IST1: variants seen among roughly 807,000 people sequenced by gnomAD.
IST1 encodes IST1 homolog.
In IST1, 23 loss-of-function variants were observed where a neutral mutation model predicts 37.0. The observed-to-expected ratio is 0.62, with a 90% CI of 0.45 to 0.88. The LOEUF (loss-of-function observed/expected upper bound fraction) is 0.88. Ranked by LOEUF, IST1 falls within the 40% of genes least tolerant of loss-of-function variation. The pLI is 0.00. For missense variants in IST1, 488 were observed against 445.4 expected (o/e 1.10, Z -0.86); for synonymous variants, 180 against 161.7 (o/e 1.11, Z -0.86).
rs1192658089 is a variant in IST1, at chr16:71,930,921, T to C, written c.*3108T>C. On this transcript the variant is annotated 3_prime_UTR_variant, in exon 10 of 10. Transcript: ENST00000378799. ...TCAATGCCACCCTGATGGAAATCTA[T>C]ATGGCAAAATATTTTCAAGCACCAA... 1.3e-5 allele frequency: 2 copies of C among 152,202 alleles called. No homozygotes were observed. Among genetic ancestry groups the C allele is most frequent in the African/African-American group, 4.8e-5 (2 of 41,446 alleles). 9.4% of individuals were successfully genotyped at this position (152,202 alleles called of 1,614,324 possible).
intron 1 of IST1, among the ~76,000 whole-genome samples, chr16:71,908,719 TC>T (rs957308577): frequency 5.9e-5 from 9 of 152,194 alleles, no homozygotes; most frequent in African/African-American, 2.2e-4. Context: ...CCTTTCTAGT[TC>T]CTCAAGCCAG....
At chr16:71,926,656 T>A (rs1302744243) in intron 9 of IST1, among the ~76,000 whole-genome samples, 2 of 152,148 alleles carry the variant, frequency 1.3e-5, no homozygotes, top group Non-Finnish European at 2.9e-5. Context: ...AACCCATACA[T>A]TTTAAGTGTA....
chr16:71,924,760 G>T lies in IST1; in HGVS notation c.853-9G>T. On this transcript the variant is annotated splice_polypyrimidine_tract_variant and intron_variant, in intron 8 of 9. Coordinates refer to ENST00000378799, the MANE Select transcript of IST1 (RefSeq NM_001270975.2). The stretch of plus-strand genomic sequence containing the variant: ...GCTGTCTCCTCTGGTAACAATCTTT[G>T]TGTTTCAGGTAGATGACATTAATGC... 6.2e-7 allele frequency: 1 copy of T among 1,601,842 alleles called. No individual in the cohort carries two copies.
chr16:71,921,230 T>C, intron 5 of IST1, 113 bp from the exon 6 acceptor site: 1 of 669,058 alleles, frequency 1.5e-6, no homozygotes, highest in East Asian at 2.7e-5. Flanking sequence ...GCTCTGAACC[T>C]TTTTTTCCCT....
At position 71,929,987 on chromosome 16, in the gene IST1, G is replaced by C; in HGVS notation, c.*2174G>C. On this transcript the variant is annotated 3_prime_UTR_variant, in exon 10 of 10. Transcript: ENST00000378799. The stretch of plus-strand genomic sequence containing the variant: ...AAATTATGTCAGCCCGTCATCTTAG[G>C]GGCAGTTACAGTGGAGCTTTCCCAG... The C allele has an allele frequency of 6.8e-7, 1 of 1,462,744 alleles. No homozygotes were observed. The highest frequency in any genetic ancestry group is 9.2e-7 in the Non-Finnish European group (1 of 1,090,482). The allele number at this position is 1,462,744 out of a possible 1,614,324, so 90.6% of individuals were successfully genotyped here.
At chr16:71,902,427 G>C in intron 1 of IST1, among the ~76,000 whole-genome samples, 1 of 152,114 alleles carries the variant, frequency 6.6e-6, no homozygotes, top group South Asian at 2.1e-4. Context: ...CTGCCACCAC[G>C]CCTGGCTAAT....
chr16:71,924,128 CTTTG>C, intron 8 of IST1: 1 of 455,978 alleles, frequency 2.2e-6, no homozygotes. Context: ...TTTTCTTATG[CTTTG>C]GTTTTGCATG....
Position 71,930,268 on chromosome 16 carries a change from C to A in IST1, c.*2455C>A. 1 of 1,329,172 alleles carries A rather than the reference C, an allele frequency of 7.5e-7. No individual in the cohort carries two copies. The highest frequency in any genetic ancestry group is 9.9e-7 in the Non-Finnish European group (1 of 1,011,638). The allele number at this position is 1,329,172 out of a possible 1,614,324, so 82.3% of individuals were successfully genotyped here. A position where few individuals can be genotyped will look rare whatever the true frequency, so the allele number is the denominator to read the frequency against. On this transcript the variant is annotated 3_prime_UTR_variant, in exon 10 of 10. Coordinates refer to ENST00000378799, the MANE Select transcript of IST1 (RefSeq NM_001270975.2). ...TAAGCTATATGCTAGTGTTTGGGAT[C>A]TTATCAGAAGAAAAGCTTATCCGAA... is the stretch of plus-strand genomic sequence containing the variant.
chr16:71,911,902 C>T (rs2037363293), intron 1 of IST1, among the ~76,000 whole-genome samples: 1 of 151,650 alleles, frequency 6.6e-6, no homozygotes, highest in South Asian at 2.1e-4. Context: ...AGTTTTGGTA[C>T]AGTTGGAGTT....
Position 71,922,495 on chromosome 16 carries a change from G to A in IST1, c.574G>A (p.Glu192Lys), listed in dbSNP as rs756546180. Residue 192 changes from glutamate to lysine, a missense_variant, in exon 7 of 10, where the codon GAG (glutamate) becomes AAG (lysine). Around this residue, in one of 2 missense-constraint regions of IST1, gnomAD observed 455 missense variants for 386.2 expected, o/e 1.18. Transcript: ENST00000378799. Reference sequence around the variant, plus strand: ...TCAGGCAGAAGCTCCTCCTGGGGTAGAGACAGATCTTATTGATGTTGGATT... The same window carrying A: ...TCAGGCAGAAGCTCCTCCTGGGGTAAAGACAGATCTTATTGATGTTGGATT... ...VVMAEAPPGV[E>K]TDLIDVGFTD... is the part of the protein sequence containing the mutation. 5.0e-6 allele frequency: 8 copies of A among 1,614,196 alleles called. No homozygotes were observed. Among genetic ancestry groups the A allele is most frequent in the South Asian group, 1.1e-5 (1 of 91,076 alleles).
chr16:71,922,569 C>T lies in IST1; in HGVS notation c.648C>T (p.Gly216=), dbSNP rs767869041. The change falls in exon 7 of 10, where the codon GGC becomes GGT. Residue 216 remains glycine, a synonymous_variant. Coordinates refer to ENST00000378799, the MANE Select transcript of IST1 (RefSeq NM_001270975.2). ...KGGPGRGGSG[G]FTAPVGGPDG... is the part of the protein sequence containing the mutation. ...GCCCTGGAAGAGGAGGGAGTGGTGG[C>T]TTCACAGCACCAGTTGGTGGACCTG... is the stretch of plus-strand genomic sequence containing the variant. 1.2e-6 allele frequency: 2 copies of T among 1,614,094 alleles called. No individual in the cohort carries two copies. Among genetic ancestry groups the T allele is most frequent in the East Asian group, 2.2e-5 (1 of 44,868 alleles).
intron 1 of IST1, among the ~76,000 whole-genome samples, chr16:71,909,990 A>G (rs577320067): frequency 6.6e-6 from 1 of 152,256 alleles, no homozygotes; most frequent in African/African-American, 2.4e-5. Context: ...TTCTAATTTC[A>G]GTCACTACTG....
At chr16:71,894,950 C>G, upstream of IST1, 1 of 891,132 alleles carries the variant, frequency 1.1e-6, no homozygotes, top group Non-Finnish European at 1.8e-6. Flanking sequence ...TGAATTATAC[C>G]ACACAGACCG....
chr16:71,924,702 GC>G, intron 8 of IST1, 66 bp from the exon 9 acceptor site: 1 of 1,226,170 alleles, frequency 8.2e-7, no homozygotes, highest in Admixed American at 1.7e-5. Flanking sequence ...AAACACAGGG[GC>G]TTACACCAGT....
intron 1 of IST1, among the ~76,000 whole-genome samples, chr16:71,905,641 A>G (rs1354779163): frequency 6.6e-6 from 1 of 152,126 alleles, no homozygotes; most frequent in Non-Finnish European, 1.5e-5. Flanking sequence ...TGGCCTTCCA[A>G]AGTGCTGGGA....
intron 1 of IST1, among the ~76,000 whole-genome samples, chr16:71,909,336 C>G (rs1287072870): frequency 2.0e-5 from 3 of 152,078 alleles, no homozygotes. Context: ...GAACACCGGC[C>G]TCAAGCGATC....
chr16:71,907,237 T>A (rs1251804766), intron 1 of IST1, among the ~76,000 whole-genome samples: 1 of 151,786 alleles, frequency 6.6e-6, no homozygotes, highest in Non-Finnish European at 1.5e-5. Flanking sequence ...TTTTAAATAA[T>A]GTTTTTAAAG....
At chr16:71,898,950 G>A (rs1328629554) in intron 1 of IST1, among the ~76,000 whole-genome samples, 1 of 131,946 alleles carries the variant, frequency 7.6e-6, no homozygotes, top group African/African-American at 2.9e-5. Context: ...GGGCAGCAGA[G>A]CAAGCCTCTA....
chr16:71,921,514 C>CA (rs1487008370), intron 6 of IST1, 61 bp downstream of exon 6: 151 of 899,514 alleles, frequency 1.7e-4, no homozygotes, highest in African/African-American at 9.0e-4. Flanking sequence ...CTTTGGAAAA[C>CA]AAAAAAAACA....
Sources: gnomAD v4.1 joint callset for allele counts (sites outside exome capture counted in the v4.1 genomes callset) on GRCh38, gnomAD v4.1.1 for gene constraint, gnomAD v4.1.1 regional missense constraint, MANE v1.5 for transcripts, NCBI Gene and HGNC (gene_info 2026-07-23, HGNC 2026-07-21) for gene names.